The following CCDC125 variants were observed in gnomAD, a reference collection of about 807,000 sequenced individuals.
CCDC125 encodes the protein coiled-coil domain containing 125.
CCDC125 carries 43 observed loss-of-function variants against 57.4 expected under a neutral mutation model. That is an observed-to-expected ratio of 0.75 (90% CI 0.59 to 0.97). CCDC125 has a LOEUF of 0.97. Ranked by LOEUF, CCDC125 falls within the 50% of genes least tolerant of loss-of-function variation. CCDC125 has a pLI of 0.00. For missense variants in CCDC125, 563 were observed against 595.7 expected (o/e 0.95, Z 0.57); for synonymous variants, 187 against 195.2 (o/e 0.96, Z 0.35).
At chr5:69,279,518 C>A (rs1752369942), downstream of CCDC125, among the ~76,000 whole-genome samples, 1 of 152,114 alleles carries the variant, frequency 6.6e-6, no homozygotes, top group African/African-American at 2.4e-5. Context: ...CTTATAGTTG[C>A]AATTCTTGTG....
At chr5:69,277,219 C>A, downstream of CCDC125, 1 of 937,406 alleles carries the variant, frequency 1.1e-6, no homozygotes, top group Non-Finnish European at 1.6e-6. Flanking sequence ...TAAGTAAATG[C>A]TGTAGAAGTG....
intron 10 of CCDC125, among the ~76,000 whole-genome samples, chr5:69,290,629 CT>C (rs373663120): frequency 0.13 from 15,273 of 117,542 alleles, 627 homozygotes; most frequent in African/African-American, 0.17. Context: ...TCTTTTTTTT[CT>C]TTTTTTTTTT....
intron 1 of CCDC125, among the ~76,000 whole-genome samples, chr5:69,322,943 A>T (rs1760262827): frequency 6.6e-6 from 1 of 151,878 alleles, no homozygotes; most frequent in South Asian, 2.1e-4. Context: ...TGGGAGGTGG[A>T]GGCTGCAGTG....
In CCDC125 at chr5:69,280,542, C is replaced by T. The variant is rs192187557; in HGVS notation, c.*2187G>A. ...GTCTCACCCTTACGAGCAGCCGGCCCTGAATTCTCTCTCTCAGGTGTACTG... is the reference window on the plus strand; with the variant it reads ...GTCTCACCCTTACGAGCAGCCGGCCTTGAATTCTCTCTCTCAGGTGTACTG... On this transcript the variant is annotated 3_prime_UTR_variant, in exon 12 of 12. Coordinates refer to ENST00000396496, the MANE Select transcript of CCDC125 (RefSeq NM_176816.5). 1.1e-4 allele frequency: 16 copies of T among 152,332 alleles called. No individual in the cohort carries two copies. The East Asian group carries it at 2.9e-3, about 28-fold the overall frequency. 9.4% of individuals were successfully genotyped at this position (152,332 alleles called of 1,614,324 possible). A position where few individuals can be genotyped will look rare whatever the true frequency, so the allele number is the denominator to read the frequency against.
intron 2 of CCDC125, among the ~76,000 whole-genome samples, chr5:69,318,082 C>T (rs377423041): frequency 6.8e-6 from 1 of 147,578 alleles, no homozygotes; most frequent in East Asian, 2.1e-4. Context: ...CCCAGGTTCA[C>T]GTGATTCTCC....
intron 1 of CCDC125, among the ~76,000 whole-genome samples, chr5:69,330,179 T>C (rs1361119018): frequency 3.9e-5 from 6 of 152,210 alleles, no homozygotes; most frequent in Admixed American, 6.5e-5. Flanking sequence ...TCTTCTCATA[T>C]CTGTCCTCTA....
Position 69,329,473 on chromosome 5 carries a change from C to T in CCDC125, c.-41+3176G>A, listed in dbSNP as rs372782487. Among the ~76,000 whole-genome samples, 19 of 151,642 alleles carry T rather than the reference C, an allele frequency of 1.3e-4. No homozygotes were observed. In the East Asian group the frequency reaches 2.9e-3, roughly 23 times the overall value. Reference sequence around the variant, plus strand: ...AAAGTGCTGAGATTACAGGTGTGAGCCACCATGCCCAGCCAGGATTCAAGT... The same window carrying T: ...AAAGTGCTGAGATTACAGGTGTGAGTCACCATGCCCAGCCAGGATTCAAGT... On this transcript the variant is annotated intron_variant, in intron 1 of 11. Coordinates refer to ENST00000396496, the MANE Select transcript of CCDC125 (RefSeq NM_176816.5).
At chr5:69,297,272 C>T (rs1374745852) in intron 8 of CCDC125, among the ~76,000 whole-genome samples, 2 of 151,894 alleles carry the variant, frequency 1.3e-5, no homozygotes, top group African/African-American at 4.8e-5. Context: ...AACTCCTGAC[C>T]GCAAATGATC....
At chr5:69,330,995 C>T (rs1469059872) in intron 1 of CCDC125, among the ~76,000 whole-genome samples, 1 of 151,964 alleles carries the variant, frequency 6.6e-6, no homozygotes, top group Non-Finnish European at 1.5e-5. Flanking sequence ...CAATGTCACC[C>T]TGTTTTCCTT....
intron 9 of CCDC125, 101 bp downstream of exon 9, chr5:69,294,692 A>G: frequency 3.4e-6 from 3 of 873,760 alleles, no homozygotes; most frequent in East Asian, 2.4e-5. Context: ...TCCATAGGCA[A>G]TAACTACTAA....
rs1230438387 is a variant in CCDC125 at position 69,282,809 on chromosome 5, A to G, written c.1456T>C (p.Ser486Pro). ...CILNSVGCIC[S>P]IQHSQIDPNY... Reference sequence around the variant, plus strand: ...GGATCTATTTGAGAGTGCTGGATTGAACAAATGCAGCCCACAGAATTTAAA... The same window carrying G: ...GGATCTATTTGAGAGTGCTGGATTGGACAAATGCAGCCCACAGAATTTAAA... The change falls in exon 12 of 12, where the codon TCA becomes CCA. Residue 486 changes from serine (S) to proline (P), a missense_variant. By Grantham distance (74) the Ser-to-Pro change is moderately conservative. Coordinates refer to ENST00000396496, the MANE Select transcript of CCDC125 (RefSeq NM_176816.5). 6.2e-7 allele frequency: 1 copy of G among 1,613,860 alleles called. No individual in the cohort carries two copies.
chr5:69,322,978 C>T (rs1760270809), intron 1 of CCDC125, among the ~76,000 whole-genome samples: 1 of 151,606 alleles, frequency 6.6e-6, no homozygotes, highest in South Asian at 2.1e-4. Context: ...CTCCACACTC[C>T]AGCTTAAGCT....
intron 8 of CCDC125, among the ~76,000 whole-genome samples, chr5:69,296,857 G>A (rs544196459): frequency 2.5e-4 from 38 of 151,860 alleles, no homozygotes; most frequent in Non-Finnish European, 2.9e-4. Flanking sequence ...CCAGCTACTC[G>A]GGAGGCTGAG....
At chr5:69,276,701 C>CAAATG (rs771081057), downstream of CCDC125, 1 of 1,606,246 alleles carries the variant, frequency 6.2e-7, no homozygotes, top group Non-Finnish European at 8.5e-7. Flanking sequence ...GTAAGATTCC[C>CAAATG]ACTTTTAAAA....
chr5:69,319,593 T>C (rs140335904), intron 2 of CCDC125, among the ~76,000 whole-genome samples: 1,546 of 151,550 alleles, frequency 0.01, 24 homozygotes, highest in African/African-American at 0.036. Flanking sequence ...GCCATTCTCC[T>C]GCCTCAGCCT....
At chr5:69,285,157 T>C (rs1457393533) in intron 11 of CCDC125, among the ~76,000 whole-genome samples, 180 bp downstream of exon 11, 2 of 151,918 alleles carry the variant, frequency 1.3e-5, no homozygotes, top group Admixed American at 6.6e-5. Flanking sequence ...ACACTAATGA[T>C]AGCTGATGAA....
intron 1 of CCDC125, among the ~76,000 whole-genome samples, chr5:69,326,895 G>GA (rs1270151931): frequency 3.3e-5 from 5 of 151,832 alleles, no homozygotes; most frequent in Admixed American, 1.3e-4. Flanking sequence ...ACAAAAAAAG[G>GA]AAAAAAAGAA....
chr5:69,311,583 C>T (rs576361539), intron 3 of CCDC125, among the ~76,000 whole-genome samples: 4 of 151,910 alleles, frequency 2.6e-5, no homozygotes, highest in South Asian at 2.1e-4. Flanking sequence ...ACCCGGGAGG[C>T]GGAGGTTGCA....
chr5:69,322,794 C>T (rs1051607704), intron 1 of CCDC125, among the ~76,000 whole-genome samples: 3 of 151,636 alleles, frequency 2.0e-5, no homozygotes, highest in Non-Finnish European at 4.4e-5. Context: ...AACTCCTGAC[C>T]TCATGATACA....
Sources: gnomAD v4.1 joint callset for allele counts (sites outside exome capture counted in the v4.1 genomes callset) on GRCh38, gnomAD v4.1.1 for gene constraint, MANE v1.5 for transcripts, NCBI Gene and HGNC (gene_info 2026-07-23, HGNC 2026-07-21) for gene names.